The following RPA1 variants were observed in gnomAD, a reference collection of about 807,000 sequenced individuals.
RPA1 encodes the protein replication protein A1, also known as replication protein A 70 kDa DNA-binding subunit.
RPA1 carries 49 observed loss-of-function variants against 83.0 expected under a neutral mutation model. That is an observed-to-expected ratio of 0.59 (90% CI 0.47 to 0.75). RPA1 has a LOEUF of 0.75. Among genes scored for constraint, RPA1 ranks in the 30% least tolerant of loss-of-function variants. The pLI is 0.00. For missense variants in RPA1, 693 were observed against 776.1 expected, an observed-to-expected ratio of 0.89 and a Z score of 1.27; for synonymous variants, 279 against 281.8, an observed-to-expected ratio of 0.99 and a Z score of 0.10.
At chr17:1,858,408 G>A (rs1316163877) in intron 5 of RPA1, 3 of 1,583,008 alleles carry the variant, frequency 1.9e-6, no homozygotes, top group Admixed American at 3.3e-5. Flanking sequence ...GGGCTCGGAG[G>A]CAATGACGAC....
intron 16 of RPA1, among the ~76,000 whole-genome samples, chr17:1,895,694 T>TTTA: frequency 6.6e-6 from 1 of 151,018 alleles, no homozygotes; most frequent in East Asian, 1.9e-4. Context: ...TATTTATTTA[T>TTTA]TTATTTATTT....
At chr17:1,870,542 G>A (rs1170617921) in intron 5 of RPA1, among the ~76,000 whole-genome samples, 1 of 152,148 alleles carries the variant, frequency 6.6e-6, no homozygotes. Flanking sequence ...ATTAACGTTG[G>A]CGTAAGCCAT....
At chr17:1,883,350 A>G (rs2151288811) in intron 12 of RPA1, among the ~76,000 whole-genome samples, 1 of 152,130 alleles carries the variant, frequency 6.6e-6, no homozygotes, top group Non-Finnish European at 1.5e-5. Context: ...TTTAGTAGAG[A>G]CGGGGTTTCA....
At chr17:1,872,382 C>A in intron 5 of RPA1, 52 bp from the exon 6 acceptor site, 1 of 1,595,148 alleles carries the variant, frequency 6.3e-7, no homozygotes, top group Non-Finnish European at 8.5e-7. Flanking sequence ...AAGTTTAAAT[C>A]TCTTAACCCA....
intron 16 of RPA1, among the ~76,000 whole-genome samples, chr17:1,896,783 A>T (rs544665745): frequency 6.6e-6 from 1 of 152,322 alleles, no homozygotes; most frequent in South Asian, 2.1e-4. Context: ...TAGGGAGAAT[A>T]AATGAAACTA....
In RPA1 at chr17:1,888,852, G is replaced by A. The variant is rs765292413; in HGVS notation, c.1551+1G>A. On this transcript the variant is annotated splice_donor_variant, in intron 14 of 16. Coordinates refer to ENST00000254719, the MANE Select transcript of RPA1 (RefSeq NM_002945.5). LOFTEE classifies it high-confidence loss of function. ...TTTCAAGTACCGCATGATCCTGTCA[G>A]TAAGTAGCCTCGGTAGATGAGAACC... 1.2e-6 allele frequency: 2 copies of A among 1,611,688 alleles called. No homozygotes were observed. The highest frequency in any genetic ancestry group is 1.7e-6 in the Non-Finnish European group (2 of 1,177,904).
intron 16 of RPA1, among the ~76,000 whole-genome samples, chr17:1,896,448 G>T (rs1469506674): frequency 6.6e-6 from 1 of 150,546 alleles, no homozygotes; most frequent in Non-Finnish European, 1.5e-5. Flanking sequence ...TTACCTTAAC[G>T]CCCGTTCTTC....
intron 14 of RPA1, 67 bp from the exon 15 acceptor site, chr17:1,891,766 T>G (rs1361127051): frequency 3.8e-6 from 4 of 1,044,454 alleles, no homozygotes; most frequent in Non-Finnish European, 5.8e-6. Flanking sequence ...CATTAACCTC[T>G]CCCCATCTTC....
intron 5 of RPA1, among the ~76,000 whole-genome samples, chr17:1,862,000 C>T (rs568860862): frequency 3.3e-5 from 5 of 151,816 alleles, no homozygotes; most frequent in South Asian, 2.1e-4. Flanking sequence ...CCCGGATTCA[C>T]GCCATTCTCC....
intron 12 of RPA1, among the ~76,000 whole-genome samples, 156 bp from the exon 13 acceptor site, chr17:1,883,656 C>T (rs1327881986): frequency 1.3e-5 from 2 of 151,922 alleles, no homozygotes; most frequent in East Asian, 1.9e-4. Flanking sequence ...TATATAATTA[C>T]GAAGATACCA....
At chr17:1,877,850 C>G (rs2151286350) in intron 8 of RPA1, among the ~76,000 whole-genome samples, 1 of 152,294 alleles carries the variant, frequency 6.6e-6, no homozygotes, top group Non-Finnish European at 1.5e-5. Context: ...TTAAACTAAA[C>G]AAAACCATGA....
chr17:1,838,435 C>G (rs1383510604), intron 1 of RPA1, among the ~76,000 whole-genome samples: 1 of 151,978 alleles, frequency 6.6e-6, no homozygotes, highest in African/African-American at 2.4e-5. Context: ...GAAATCCCGT[C>G]TCTACTAAAA....
chr17:1,862,869 C>G (rs1913035334), intron 5 of RPA1, among the ~76,000 whole-genome samples: 1 of 151,644 alleles, frequency 6.6e-6, no homozygotes. Context: ...AAGTGCCCGC[C>G]ACCACGCCCA....
chr17:1,896,948 T>A, intron 16 of RPA1, 123 bp from the exon 17 acceptor site: 1 of 774,088 alleles, frequency 1.3e-6, no homozygotes. Flanking sequence ...CTGGAATGAC[T>A]GAACTCTGAA....
chr17:1,855,292 G>A (rs1328897001), intron 5 of RPA1, among the ~76,000 whole-genome samples: 2 of 151,874 alleles, frequency 1.3e-5, no homozygotes, highest in Non-Finnish European at 2.9e-5. Context: ...CCTCAGAGTA[G>A]CTGGGATTAC....
rs200554274 is a variant in RPA1 at position 1,844,609 on chromosome 17, C to T, written c.195C>T (p.Leu65=). ...SFMLATQLNP[L]VEEEQLSSNC... ...TGTTGGCGACACAGTTGAACCCTCT[C>T]GTGGAGGAAGAACAATTGTCCAGCA... is the stretch of plus-strand genomic sequence containing the variant. Residue 65 remains leucine (L), a synonymous_variant, in exon 4 of 17, where the codon CTC becomes CTT. Coordinates refer to ENST00000254719, the MANE Select transcript of RPA1 (RefSeq NM_002945.5). 39 of 1,613,346 alleles carry T rather than the reference C, an allele frequency of 2.4e-5. No individual in the cohort carries two copies. The highest frequency in any genetic ancestry group is 8.3e-5 in the Admixed American group (5 of 59,916).
chr17:1,889,652 A>ATTTTG (rs17339109), intron 14 of RPA1, among the ~76,000 whole-genome samples: 11 of 151,992 alleles, frequency 7.2e-5, no homozygotes, highest in South Asian at 2.1e-4. Context: ...TAAGATTTTT[A>ATTTTG]TTTTGTTTTG....
intron 5 of RPA1, among the ~76,000 whole-genome samples, chr17:1,868,056 C>T (rs560568392): frequency 6.6e-6 from 1 of 152,142 alleles, no homozygotes; most frequent in African/African-American, 2.4e-5. Context: ...TGTACTCCAA[C>T]CTGGGCATTG....
intron 15 of RPA1, among the ~76,000 whole-genome samples, chr17:1,893,361 C>A (rs777061566): frequency 1.3e-5 from 2 of 152,372 alleles, no homozygotes; most frequent in South Asian, 2.1e-4. Flanking sequence ...CTCCACGCCC[C>A]TCATCTTGGA....
Sources: gnomAD v4.1 joint callset for allele counts (sites outside exome capture counted in the v4.1 genomes callset) on GRCh38, gnomAD v4.1.1 for gene constraint, MANE v1.5 for transcripts, NCBI Gene and HGNC (gene_info 2026-07-23, HGNC 2026-07-21) for gene names.